TMEM19: variants seen among roughly 807,000 people sequenced by gnomAD.
TMEM19 encodes transmembrane protein 19.
A neutral mutation model predicts 33.6 loss-of-function variants in TMEM19; 21 were observed. The ratio of observed to expected loss-of-function variants is 0.62; its 90% confidence interval spans 0.44 to 0.90. The LOEUF is 0.90. Among genes scored for constraint, TMEM19 ranks in the 40% least tolerant of loss-of-function variants. The pLI, the probability that TMEM19 is intolerant of heterozygous loss-of-function variation, is 0.00. For synonymous variants in TMEM19, 149 were observed against 147.5 expected (o/e 1.01, Z -0.07); for missense variants, 402 against 401.8 (o/e 1.00, Z 0.00).
At chr12:71,699,277 A>G (rs1881935354) in intron 5 of TMEM19, 168 bp downstream of exon 5, 1 of 670,418 alleles carries the variant, frequency 1.5e-6, no homozygotes, top group Non-Finnish European at 2.5e-6. Context: ...ATTCTTTTGT[A>G]TTAAATTAAT....
At chr12:71,689,520 C>T (rs950208112) in intron 1 of TMEM19, 71 bp from the exon 2 acceptor site, 7 of 1,119,482 alleles carry the variant, frequency 6.3e-6, no homozygotes, top group East Asian at 2.3e-5. Context: ...AAAGCAGTAA[C>T]GGAAGTTTAC....
At position 71,699,099 on chromosome 12, in the gene TMEM19, G is replaced by A; in HGVS notation, c.837G>A (p.Met279Ile). Residue 279 changes from methionine (M) to isoleucine (I), a missense_variant, in exon 5 of 6, where the codon ATG becomes ATA. By Grantham distance (10) the Met-to-Ile change is conservative. Transcript: ENST00000266673. The part of the protein sequence containing the change: ...SIVDSYLGAT[M>I]QYTGLDESTG... The stretch of plus-strand genomic sequence containing the variant: ...TGGACTCATACTTAGGGGCTACAAT[G>A]CAGTATACTGGTAAGAACATTCCTT... The A allele has an allele frequency of 6.2e-7, 1 of 1,614,078 alleles. No individual in the cohort carries two copies. The highest frequency in any genetic ancestry group is 8.5e-7 in the Non-Finnish European group (1 of 1,179,940).
Position 71,689,642 on chromosome 12 carries a change from C to T in TMEM19, c.182C>T (p.Pro61Leu), listed in dbSNP as rs774952942. 10 of 1,613,934 alleles carry T rather than the reference C, an allele frequency of 6.2e-6. No individual in the cohort carries two copies. Among genetic ancestry groups the T allele is most frequent in the Non-Finnish European group, 8.5e-6 (10 of 1,179,996 alleles). ...PWRWLFSVVVPVLIVSNGLKK... is the reference protein window; with the variant it reads ...PWRWLFSVVVLVLIVSNGLKK... The stretch of plus-strand genomic sequence containing the variant: ...CGTTGGCTGTTTTCTGTTGTTGTTC[C>T]TGTTCTGATCGTCTCTAATGGCCTT... The change falls in exon 2 of 6, where the codon CCT (proline) becomes CTT (leucine). Residue 61 changes from proline (P) to leucine (L), a missense_variant. Pro to Leu is a moderately conservative substitution (Grantham distance 98). Coordinates refer to ENST00000266673, the MANE Select transcript of TMEM19 (RefSeq NM_018279.4).
Position 71,700,394 on chromosome 12 carries a change from A to T in TMEM19, c.848-438A>T, listed in dbSNP as rs116199074. Among the ~76,000 whole-genome samples the T allele has an allele frequency of 3.9e-3, 587 of 152,300 alleles. 6 individuals carry two copies. The highest frequency in any genetic ancestry group is 0.013 in the African/African-American group (555 of 41,556). On this transcript the variant is annotated intron_variant, in intron 5 of 5. Coordinates refer to ENST00000266673, the MANE Select transcript of TMEM19 (RefSeq NM_018279.4). The stretch of plus-strand genomic sequence containing the variant: ...GCCCCATGCTCAACCCTGCGTTTAC[A>T]GTACTGTGGCCACAGACATGATCCC...
At chr12:71,700,290 T>C (rs951000281) in intron 5 of TMEM19, among the ~76,000 whole-genome samples, 2 of 152,204 alleles carry the variant, frequency 1.3e-5, no homozygotes, top group Non-Finnish European at 2.9e-5. Context: ...GGGAAGTTTC[T>C]GATTGCATTG....
At position 71,700,975 on chromosome 12, in the gene TMEM19, G is replaced by A. The variant is rs545807734; in HGVS notation, c.991G>A (p.Gly331Ser). The change falls in exon 6 of 6, where the codon GGT becomes AGT. Residue 331 changes from glycine (G) to serine (S), a missense_variant. Transcript: ENST00000266673. ...CCTCTTGCTCCCAACTGCTGCTTGG[G>A]GTTTTTGGCCCAGGGGGTGAACTTT... ...IALLLPTAAWGFWPRG is the reference protein window; with the variant it reads ...IALLLPTAAWSFWPRG 1 of 1,611,100 alleles carries A rather than the reference G, an allele frequency of 6.2e-7. No individual in the cohort carries two copies. Among genetic ancestry groups the A allele is most frequent in the African/African-American group, 1.3e-5 (1 of 74,908 alleles).
At chr12:71,691,387 A>C (rs974531828) in intron 2 of TMEM19, among the ~76,000 whole-genome samples, 1 of 152,086 alleles carries the variant, frequency 6.6e-6, no homozygotes. Flanking sequence ...CACTGCTGTT[A>C]GCACTTTGGT....
intron 2 of TMEM19, among the ~76,000 whole-genome samples, chr12:71,690,616 T>C (rs1881769108): frequency 6.6e-6 from 1 of 152,166 alleles, no homozygotes; most frequent in Non-Finnish European, 1.5e-5. Flanking sequence ...GTTCAGGTAA[T>C]GATGAAGTTT....
chr12:71,697,636 T>C, intron 4 of TMEM19, 102 bp downstream of exon 4: 2 of 1,416,644 alleles, frequency 1.4e-6, no homozygotes, highest in Admixed American at 2.8e-5. Context: ...TAATGTATTT[T>C]AGAGCCTTTT....
chr12:71,691,314 A>T (rs1881781331), intron 2 of TMEM19, among the ~76,000 whole-genome samples: 1 of 152,182 alleles, frequency 6.6e-6, no homozygotes, highest in Non-Finnish European at 1.5e-5. Flanking sequence ...ATCAATAAGT[A>T]TTAGGAGTGG....
chr12:71,698,184 T>C (rs567349793), intron 4 of TMEM19, among the ~76,000 whole-genome samples: 1 of 152,262 alleles, frequency 6.6e-6, no homozygotes, highest in African/African-American at 2.4e-5. Context: ...CTCTTCCTCT[T>C]CGTCCCCTTC....
chr12:71,689,507 C>T (rs1234541922), intron 1 of TMEM19, 84 bp from the exon 2 acceptor site: 6 of 968,972 alleles, frequency 6.2e-6, no homozygotes, highest in Non-Finnish European at 1.0e-5. Flanking sequence ...GTATTTTAGT[C>T]TAAAAGCAGT....
At chr12:71,696,739 C>T (rs1050336058) in intron 3 of TMEM19, among the ~76,000 whole-genome samples, 166 bp downstream of exon 3, 1 of 151,796 alleles carries the variant, frequency 6.6e-6, no homozygotes, top group Non-Finnish European at 1.5e-5. Flanking sequence ...CTCCGCCTCC[C>T]GGGTTCACAC....
chr12:71,697,006 G>A (rs1475437943), intron 3 of TMEM19, among the ~76,000 whole-genome samples: 1 of 152,072 alleles, frequency 6.6e-6, no homozygotes, highest in Non-Finnish European at 1.5e-5. Flanking sequence ...TTTTATATGA[G>A]AATTCCTTTA....
chr12:71,687,608 A>G (rs965261589), intron 1 of TMEM19, among the ~76,000 whole-genome samples: 2 of 152,202 alleles, frequency 1.3e-5, no homozygotes, highest in Non-Finnish European at 2.9e-5. Flanking sequence ...TTCTGTAAAA[A>G]TAATAAGAAT....
Position 71,699,719 on chromosome 12 carries a change from G to A in TMEM19, c.847+610G>A, listed in dbSNP as rs571379431. 9 of 153,680 alleles carry A rather than the reference G, an allele frequency of 5.9e-5. No homozygotes were observed. In the South Asian group the frequency reaches 8.2e-4, roughly 14 times the overall value. The allele number at this position is 153,680 out of a possible 1,614,324, so 9.5% of individuals were successfully genotyped here. ...TACAAAAATTATCTGGTGTAGTGGC[G>A]CCTGCCTATAATCCCAGCTACTTGG... On this transcript the variant is annotated intron_variant, in intron 5 of 5. Transcript: ENST00000266673.
Position 71,698,606 on chromosome 12 carries a change from A to AAAG in TMEM19, c.638-292_638-290dup, listed in dbSNP as rs1437960546. Reference sequence around the variant, plus strand: ...TGATAGAGCAAAACCTTGTCTCTGAAAAGAGAGAGAGAGAGAGAGAGAGAG... The same window carrying AAAG: ...TGATAGAGCAAAACCTTGTCTCTGAAAAGAAGAGAGAGAGAGAGAGAGAGAGAG... On this transcript the variant is annotated intron_variant, in intron 4 of 5. Transcript: ENST00000266673. Among the ~76,000 whole-genome samples, 19 of 81,274 alleles carry AAAG rather than the reference A, an allele frequency of 2.3e-4. 1 individual carries two copies. In the South Asian group the frequency reaches 2.5e-3, roughly 11 times the overall value. The allele number at this position is 81,274 out of a possible 152,430, so 53.3% of individuals were successfully genotyped here. A position where few individuals can be genotyped will look rare whatever the true frequency, so the allele number is the denominator to read the frequency against.
chr12:71,698,849 A>C, intron 4 of TMEM19, 51 bp from the exon 5 acceptor site: 1 of 1,556,970 alleles, frequency 6.4e-7, no homozygotes, highest in Non-Finnish European at 8.8e-7. Flanking sequence ...CCTTGCCTTT[A>C]TGTGTTTGCT....
At chr12:71,688,278 GC>G (rs1187527562) in intron 1 of TMEM19, among the ~76,000 whole-genome samples, 2 of 151,770 alleles carry the variant, frequency 1.3e-5, no homozygotes, top group Non-Finnish European at 1.5e-5. Context: ...CGCTCTTTTT[GC>G]CCAGGCTGGA....
Sources: allele counts gnomAD v4.1 joint callset (sites outside exome capture counted in the v4.1 genomes callset), GRCh38; gene constraint gnomAD v4.1.1; transcripts MANE v1.5; gene names NCBI Gene and HGNC (gene_info 2026-07-23, HGNC 2026-07-21).